DGKB: variants seen among roughly 807,000 people sequenced by gnomAD.
DGKB encodes the protein 90 kDa diacylglycerol kinase.
Under a neutral mutation model 114.3 loss-of-function variants are expected in DGKB, and 67 were observed. The ratio of observed to expected loss-of-function variants is 0.59; its 90% CI spans 0.48 to 0.72. DGKB has a LOEUF of 0.72. DGKB is among the 30% of genes least tolerant of loss of function. The pLI is 0.00. For synonymous variants in DGKB, 398 were observed against 323.1 expected (o/e 1.23, Z -2.49); for missense variants, 907 against 975.2 (o/e 0.93, Z 0.93).
At chr7:14,809,371 A>G (rs929528088) in intron 2 of DGKB, among the ~76,000 whole-genome samples, 4 of 152,216 alleles carry the variant, frequency 2.6e-5, no homozygotes, top group African/African-American at 9.6e-5. Flanking sequence ...CAAGGTTATG[A>G]AACATGGGAG....
chr7:14,837,121 A>G (rs976308905), intron 2 of DGKB, among the ~76,000 whole-genome samples: 2 of 152,162 alleles, frequency 1.3e-5, no homozygotes, highest in Non-Finnish European at 2.9e-5. Context: ...ATTTTTTTCC[A>G]TATAAAACAC....
intron 22 of DGKB, 37 bp downstream of exon 22, chr7:14,345,264 T>C: frequency 8.2e-7 from 1 of 1,214,594 alleles, no homozygotes; most frequent in Non-Finnish European, 1.2e-6. Context: ...TCAAGCCATT[T>C]CATCATATTA....
intron 23 of DGKB, among the ~76,000 whole-genome samples, chr7:14,250,261 G>A (rs1392240444): frequency 6.6e-6 from 1 of 151,734 alleles, no homozygotes; most frequent in African/African-American, 2.4e-5. Flanking sequence ...GAGCCACCAT[G>A]CCTGGTTTCT....
chr7:14,746,093 C>G (rs972617256), intron 4 of DGKB, among the ~76,000 whole-genome samples: 1 of 152,156 alleles, frequency 6.6e-6, no homozygotes, highest in African/African-American at 2.4e-5. Context: ...ATGCCTGGCA[C>G]TTTGGGAGGC....
chr7:14,755,879 T>C (rs1389234107), intron 3 of DGKB, among the ~76,000 whole-genome samples: 1 of 152,068 alleles, frequency 6.6e-6, no homozygotes, highest in African/African-American at 2.4e-5. Context: ...TGTAATGAGA[T>C]CTAACTTTTT....
At chr7:14,203,177 A>G (rs959830270) in intron 23 of DGKB, among the ~76,000 whole-genome samples, 3 of 150,824 alleles carry the variant, frequency 2.0e-5, no homozygotes, top group Non-Finnish European at 4.4e-5. Context: ...AAAAAAAAAA[A>G]GTTAAAAGTT....
At chr7:14,786,029 T>C (rs540252242) in intron 2 of DGKB, among the ~76,000 whole-genome samples, 1 of 152,248 alleles carries the variant, frequency 6.6e-6, no homozygotes, top group African/African-American at 2.4e-5. Flanking sequence ...TTGAAAGTCA[T>C]CCATCTTTCC....
At chr7:14,182,616 T>C (rs1271790013) in intron 23 of DGKB, among the ~76,000 whole-genome samples, 1 of 152,194 alleles carries the variant, frequency 6.6e-6, no homozygotes, top group Non-Finnish European at 1.5e-5. Flanking sequence ...TTTATAAATC[T>C]GTGAAAATAA....
chr7:14,786,952 G>C (rs1839992482), intron 2 of DGKB, among the ~76,000 whole-genome samples: 1 of 152,230 alleles, frequency 6.6e-6, no homozygotes, highest in South Asian at 2.1e-4. Flanking sequence ...TCTCCACTGA[G>C]AGCTGCAAAT....
In DGKB at chr7:14,283,918, A is replaced by C. The variant is rs1039301940; in HGVS notation, c.2122+54597T>G. Among the ~76,000 whole-genome samples, 293 of 152,264 alleles carry C rather than the reference A, an allele frequency of 1.9e-3. 3 individuals carry two copies. The highest frequency in any genetic ancestry group is 6.6e-3 in the African/African-American group (276 of 41,526). ...CCTAAAACCATAAAAACCATAGAAG[A>C]AAACCTAGGCATTACCATTCAGGAC... is the stretch of plus-strand genomic sequence containing the variant. On this transcript the variant is annotated intron_variant, in intron 23 of 25. Transcript: ENST00000402815.
At chr7:14,361,444 C>T (rs1314235491) in intron 21 of DGKB, among the ~76,000 whole-genome samples, 1 of 151,862 alleles carries the variant, frequency 6.6e-6, no homozygotes, top group Non-Finnish European at 1.5e-5. Flanking sequence ...ATTTAGATTG[C>T]ATTTTTGTCA....
chr7:14,562,639 C>T (rs375327801), intron 20 of DGKB, among the ~76,000 whole-genome samples: 72 of 152,280 alleles, frequency 4.7e-4, no homozygotes, highest in African/African-American at 1.7e-3. Flanking sequence ...GGTTTAATGA[C>T]TGCCCTATTT....
At chr7:14,625,517 G>GA (rs34556871) in intron 14 of DGKB, among the ~76,000 whole-genome samples, 49,033 of 151,838 alleles carry the variant, frequency 0.32, 8,242 homozygotes, top group East Asian at 0.68. Context: ...TGAAGTTATT[G>GA]AAAGTTTCAG....
At position 14,613,378 on chromosome 7, in the gene DGKB, A is replaced by T; in HGVS notation, c.1320T>A (p.Val440=). The T allele has an allele frequency of 1.3e-6, 2 of 1,571,648 alleles. No individual in the cohort carries two copies. The highest frequency in any genetic ancestry group is 1.7e-6 in the Non-Finnish European group (2 of 1,156,720). ...TPVPGTHPLL[V]FVNPKSGGKQ... ...TTCCACCACTTTTGGGGTTCACAAA[A>T]ACTAAAAGTGGGTGAGTACCAGGCA... Residue 440 remains valine, a synonymous_variant, in exon 16 of 26, where the codon GTT becomes GTA. Transcript: ENST00000402815.
chr7:14,372,203 G>T (rs563649095), intron 21 of DGKB, among the ~76,000 whole-genome samples: 1 of 152,082 alleles, frequency 6.6e-6, no homozygotes, highest in South Asian at 2.1e-4. Flanking sequence ...TCACCTACCC[G>T]GGCTTCAATC....
At chr7:14,278,376 A>G (rs191469254) in intron 23 of DGKB, among the ~76,000 whole-genome samples, 46 of 152,344 alleles carry the variant, frequency 3.0e-4, no homozygotes, top group Middle Eastern at 3.4e-3. Flanking sequence ...AAAGATGCCA[A>G]AAACACACAA....
intron 17 of DGKB, among the ~76,000 whole-genome samples, chr7:14,591,400 T>C (rs904071850): frequency 6.6e-6 from 1 of 152,142 alleles, no homozygotes; most frequent in African/African-American, 2.4e-5. Context: ...TCAAATGATG[T>C]ATGAAGAAAA....
intron 20 of DGKB, among the ~76,000 whole-genome samples, chr7:14,539,617 T>C (rs1304218622): frequency 6.6e-6 from 1 of 152,126 alleles, no homozygotes; most frequent in Non-Finnish European, 1.5e-5. Context: ...TAATTTCAAA[T>C]CTTACATAAC....
At chr7:14,608,985 G>A (rs1001389753) in intron 16 of DGKB, among the ~76,000 whole-genome samples, 5 of 152,092 alleles carry the variant, frequency 3.3e-5, no homozygotes, top group Admixed American at 2.6e-4. Flanking sequence ...TGGCTATTCT[G>A]CCCAAAGCAA....
Sources: gnomAD v4.1 joint callset for allele counts (sites outside exome capture counted in the v4.1 genomes callset) on GRCh38, gnomAD v4.1.1 for gene constraint, MANE v1.5 for transcripts, NCBI Gene and HGNC (gene_info 2026-07-23, HGNC 2026-07-21) for gene names.